ZNF346: variants seen among roughly 807,000 people sequenced by gnomAD.
ZNF346 encodes zinc finger protein 346.
Under a neutral mutation model 33.7 loss-of-function variants are expected in ZNF346, and 23 were observed. That is an observed-to-expected ratio of 0.68 (90% CI 0.49 to 0.97). ZNF346 has a LOEUF of 0.97. Among genes scored for constraint, ZNF346 ranks in the 50% least tolerant of loss-of-function variants. ZNF346 has a pLI of 0.00. For synonymous variants in ZNF346, 134 were observed against 142.4 expected (o/e 0.94, Z 0.42); for missense variants, 340 against 371.1 (o/e 0.92, Z 0.69).
intron 1 of ZNF346, among the ~76,000 whole-genome samples, chr5:177,031,331 A>G: frequency 6.6e-6 from 1 of 152,280 alleles, no homozygotes; most frequent in African/African-American, 2.4e-5. Flanking sequence ...CTGCGCCTGG[A>G]CACTTAGTGT....
At chr5:177,057,931 C>T (rs1048536031) in intron 5 of ZNF346, among the ~76,000 whole-genome samples, 12 of 151,120 alleles carry the variant, frequency 7.9e-5, no homozygotes, top group African/African-American at 2.9e-4. Flanking sequence ...AAGCAATTCT[C>T]CTGCCTCAGC....
intron 1 of ZNF346, among the ~76,000 whole-genome samples, chr5:177,025,009 G>A (rs777079643): frequency 1.3e-5 from 2 of 152,074 alleles, no homozygotes; most frequent in Non-Finnish European, 1.5e-5. Flanking sequence ...TAAGCATATC[G>A]CCAGTGATTG....
In ZNF346 at chr5:177,022,800, G is replaced by A. The variant is rs1299114436; in HGVS notation, c.62G>A (p.Ser21Asn). Residue 21 changes from serine (S) to asparagine (N), a missense_variant, in exon 1 of 7, where the codon AGC becomes AAC. Transcript: ENST00000358149. ...AADGGAAGPY[S>N]SSELLEGQEP... ...GACGGCGGAGCGGCCGGGCCTTACA[G>A]CAGCTCGGAGTTGCTGGAGGGCCAG... 6.5e-7 allele frequency: 1 copy of A among 1,545,364 alleles called. No individual in the cohort carries two copies. Among genetic ancestry groups the A allele is most frequent in the South Asian group, 1.2e-5 (1 of 83,874 alleles).
chr5:177,039,246 C>T (rs1449007168), intron 1 of ZNF346, among the ~76,000 whole-genome samples: 2 of 152,064 alleles, frequency 1.3e-5, no homozygotes, highest in Admixed American at 1.3e-4. Context: ...AGTCATTTCT[C>T]TTGGTTTTTC....
chr5:177,042,441 C>G (rs1248215119), intron 3 of ZNF346, among the ~76,000 whole-genome samples: 1 of 152,278 alleles, frequency 6.6e-6, no homozygotes, highest in South Asian at 2.1e-4. Flanking sequence ...GGGCTCAAAG[C>G]TGGCTGTGTG....
At position 177,077,992 on chromosome 5, in the gene ZNF346, T is replaced by C. The variant is rs900819229; in HGVS notation, c.*3-1390T>C. ...TGAAACCCCATCTCTACTAAAAATA[T>C]AAAAATTAGCTGGGCATGGTGGTGA... On this transcript the variant is annotated intron_variant, in intron 8 of 8. Coordinates refer to the ZNF346 transcript ENST00000503039. The surrounding 1 kb of genome is among the most constrained non-coding windows in gnomAD (Gnocchi z 5.0). Among the ~76,000 whole-genome samples the C allele has an allele frequency of 6.6e-5, 10 of 151,682 alleles. No individual in the cohort carries two copies. The highest frequency in any genetic ancestry group is 2.4e-4 in the African/African-American group (10 of 41,280).
chr5:177,058,439 C>G (rs1197624643), intron 5 of ZNF346, among the ~76,000 whole-genome samples: 1 of 151,856 alleles, frequency 6.6e-6, no homozygotes, highest in Non-Finnish European at 1.5e-5. Flanking sequence ...CCATTGCACT[C>G]CAGCCTGGGC....
At chr5:177,042,800 G>A (rs1422885732) in intron 3 of ZNF346, among the ~76,000 whole-genome samples, 2 of 151,888 alleles carry the variant, frequency 1.3e-5, no homozygotes, top group South Asian at 2.1e-4. Context: ...GTGCAGTCAC[G>A]GCTCACTGCA....
intron 1 of ZNF346, among the ~76,000 whole-genome samples, chr5:177,037,614 G>A (rs973285999): frequency 7.9e-5 from 12 of 152,146 alleles, no homozygotes; most frequent in Non-Finnish European, 1.0e-4. Flanking sequence ...ACCTATTGCC[G>A]GAACATAATT....
intron 8 of ZNF346, among the ~76,000 whole-genome samples, chr5:177,079,190 T>G (rs967917113): frequency 2.0e-5 from 3 of 151,542 alleles, no homozygotes; most frequent in Non-Finnish European, 4.4e-5. Context: ...GAGATTTGCT[T>G]GAACCTGGGA....
Position 177,039,534 on chromosome 5 carries a change from T to C in ZNF346, c.176-1592T>C, listed in dbSNP as rs559422516. Among the ~76,000 whole-genome samples, 12 of 152,238 alleles carry C rather than the reference T, an allele frequency of 7.9e-5. No homozygotes were observed. In the South Asian group the frequency reaches 2.5e-3, roughly 32 times the overall value. On this transcript the variant is annotated intron_variant, in intron 1 of 6. Coordinates refer to ENST00000358149, the MANE Select transcript of ZNF346 (RefSeq NM_012279.4). ...GCACTAACATGGCTTGCCATAGCCT[T>C]GACCTCCTGAGCTCAAGCAATCCTT...
chr5:177,042,864 A>G (rs967645279), intron 3 of ZNF346, among the ~76,000 whole-genome samples: 10 of 152,036 alleles, frequency 6.6e-5, no homozygotes, highest in African/African-American at 2.4e-4. Context: ...CCAAGTAGCT[A>G]GGACTACAGG....
chr5:177,032,536 G>A (rs973096966), intron 1 of ZNF346, among the ~76,000 whole-genome samples: 1 of 151,886 alleles, frequency 6.6e-6, no homozygotes, highest in Admixed American at 6.6e-5. Flanking sequence ...TCAGCCTGCT[G>A]AGTTAGCTGG....
chr5:177,073,302 ATTTAT>A (rs1407477727), intron 8 of ZNF346, among the ~76,000 whole-genome samples: 1 of 152,098 alleles, frequency 6.6e-6, no homozygotes, highest in African/African-American at 2.4e-5. Flanking sequence ...CAGGAAAGAC[ATTTAT>A]TTTGTTTGTT....
chr5:177,023,300 C>T, intron 1 of ZNF346: 3 of 1,158,424 alleles, frequency 2.6e-6, no homozygotes, highest in East Asian at 5.1e-5. Context: ...CAGATTTCCT[C>T]CTAGGGCCTC....
intron 1 of ZNF346, among the ~76,000 whole-genome samples, chr5:177,034,408 TAA>T (rs1778184843): frequency 6.6e-6 from 1 of 151,986 alleles, no homozygotes; most frequent in Non-Finnish European, 1.5e-5. Context: ...TGGTTTTTTG[TAA>T]AGACAGGGTC....
chr5:177,079,360 T>C (rs1783895320), intron 8 of ZNF346: 1 of 152,028 alleles, frequency 6.6e-6, no homozygotes, highest in Non-Finnish European at 1.5e-5. Flanking sequence ...AAAATGAATA[T>C]ACTTCCTGGC....
chr5:177,079,022 G>A (rs1038341355), intron 8 of ZNF346, among the ~76,000 whole-genome samples: 2 of 152,082 alleles, frequency 1.3e-5, no homozygotes, highest in Non-Finnish European at 2.9e-5. Context: ...TATAATCCCA[G>A]CACTTTGGGA....
intron 1 of ZNF346, among the ~76,000 whole-genome samples, chr5:177,028,153 C>T (rs1777094332): frequency 6.8e-6 from 1 of 147,960 alleles, no homozygotes; most frequent in African/African-American, 2.5e-5. Flanking sequence ...TCTCCTGCCC[C>T]AGCCTCCCGA....
Sources: gnomAD v4.1 joint callset for allele counts (sites outside exome capture counted in the v4.1 genomes callset) on GRCh38, gnomAD v4.1.1 for gene constraint, Gnocchi (gnomAD v3.1) non-coding constraint, MANE v1.5 for transcripts, NCBI Gene and HGNC (gene_info 2026-07-23, HGNC 2026-07-21) for gene names.